The following SMC3 variants were observed in gnomAD, a reference collection of about 807,000 sequenced individuals.
SMC3 encodes the protein structural maintenance of chromosomes 3.
A neutral mutation model predicts 171.8 loss-of-function variants in SMC3; 20 were observed. The observed-to-expected ratio is 0.12, with a 90% CI of 0.08 to 0.17. The LOEUF is 0.17. SMC3 is among the 10% of genes least tolerant of loss of function. The probability of loss-of-function intolerance (pLI) is 1.00; values close to 1 mark genes in which losing one functional copy is unlikely to be tolerated. For missense variants in SMC3, 543 were observed against 1,420.4 expected (o/e 0.38, Z 9.93); for synonymous variants, 464 against 451.1 (o/e 1.03, Z -0.36).
In SMC3 at chr10:110,577,938, A is replaced by G. The variant is rs1349836819; in HGVS notation, c.350+24A>G. ...ACGTAAGCATTTTTCTTTTTTTTAA[A>G]AAAACTGAATATGTACTTAAATAGA... On this transcript the variant is annotated intron_variant, in intron 6 of 28. Transcript: ENST00000361804. 4 of 1,500,996 alleles carry G rather than the reference A, an allele frequency of 2.7e-6. No homozygotes were observed. In the African/African-American group the frequency reaches 5.5e-5, roughly 21 times the overall value. The allele number at this position is 1,500,996 out of a possible 1,614,324, so 93.0% of individuals were successfully genotyped here.
At chr10:110,569,620 TAAC>T (rs1414185054) in intron 2 of SMC3, among the ~76,000 whole-genome samples, 1 of 152,174 alleles carries the variant, frequency 6.6e-6, no homozygotes, top group South Asian at 2.1e-4. Flanking sequence ...TATCCTAGTA[TAAC>T]AACAACGAAA....
At chr10:110,570,338 T>G (rs1266373500) in intron 2 of SMC3, among the ~76,000 whole-genome samples, 1 of 152,228 alleles carries the variant, frequency 6.6e-6, no homozygotes, top group Admixed American at 6.5e-5. Context: ...AGAATCATAC[T>G]TCATTTTGTA....
rs752278292 is a variant in SMC3 at position 110,601,920 on chromosome 10, T to C, written c.2892+36T>C. On this transcript the variant is annotated intron_variant, in intron 24 of 28. Coordinates refer to ENST00000361804, the MANE Select transcript of SMC3 (RefSeq NM_005445.4). ...AATTTGAAGTCTTGTTACAAATTGC[T>C]CAGTATATAAATTTATTTATATGAA... is the stretch of plus-strand genomic sequence containing the variant. 3 of 1,612,056 alleles carry C rather than the reference T, an allele frequency of 1.9e-6. No individual in the cohort carries two copies. In the African/African-American group the frequency reaches 4.0e-5, roughly 22 times the overall value.
chr10:110,597,114 A>G (rs1308709112), intron 19 of SMC3, among the ~76,000 whole-genome samples: 1 of 148,466 alleles, frequency 6.7e-6, no homozygotes, highest in African/African-American at 2.5e-5. Context: ...ACTGCACTCC[A>G]GCCTGGGTGA....
intron 18 of SMC3, among the ~76,000 whole-genome samples, chr10:110,594,038 T>C (rs1861253528): frequency 6.6e-6 from 1 of 152,128 alleles, no homozygotes; most frequent in African/African-American, 2.4e-5. Flanking sequence ...TTTAAATAGT[T>C]GGTTTGTTCA....
At chr10:110,568,053 G>A (rs374358650) in intron 1 of SMC3, among the ~76,000 whole-genome samples, 3 of 152,338 alleles carry the variant, frequency 2.0e-5, no homozygotes, top group East Asian at 1.9e-4. Flanking sequence ...CCTCCCTGCT[G>A]GCGCTTGTCT....
At position 110,583,789 on chromosome 10, in the gene SMC3, C is replaced by A. The variant is rs757887817; in HGVS notation, c.970-52C>A. The A allele has an allele frequency of 1.9e-6, 3 of 1,592,804 alleles. No homozygotes were observed. In the East Asian group the frequency reaches 6.7e-5, roughly 36 times the overall value. ...TTCCTGAGAAAACATTTATGCTAGA[C>A]CTAAATTATGCAAAAAATTTAAAGC... On this transcript the variant is annotated intron_variant, in intron 11 of 28. Transcript: ENST00000361804.
chr10:110,567,962 G>C, intron 1 of SMC3, 131 bp downstream of exon 1: 2 of 1,140,984 alleles, frequency 1.8e-6, no homozygotes, highest in Non-Finnish European at 2.6e-6. Context: ...CGGGGACTGT[G>C]GGGGAGGAGG....
chr10:110,587,358 G>C (rs1861136898), intron 13 of SMC3, among the ~76,000 whole-genome samples: 1 of 152,072 alleles, frequency 6.6e-6, no homozygotes, highest in Non-Finnish European at 1.5e-5. Flanking sequence ...AGATACACCT[G>C]GAAAAAAACA....
At chr10:110,591,822 C>A (rs1420715752) in intron 17 of SMC3, among the ~76,000 whole-genome samples, 1 of 152,130 alleles carries the variant, frequency 6.6e-6, no homozygotes, top group Non-Finnish European at 1.5e-5. Flanking sequence ...TGTAAGCTAT[C>A]AAAGGGTCTG....
intron 25 of SMC3, 120 bp downstream of exon 25, chr10:110,602,298 C>G: frequency 1.0e-6 from 1 of 1,003,190 alleles, no homozygotes; most frequent in Non-Finnish European, 1.5e-6. Flanking sequence ...TACATGTGAA[C>G]AAACCTAGCA....
intron 2 of SMC3, 76 bp downstream of exon 2, chr10:110,569,089 C>T: frequency 1.1e-6 from 1 of 917,560 alleles, no homozygotes; most frequent in South Asian, 1.3e-5. Flanking sequence ...TCTATATTGG[C>T]TTAAGGAGAC....
chr10:110,583,731 C>G, intron 11 of SMC3, 110 bp from the exon 12 acceptor site: 1 of 1,288,854 alleles, frequency 7.8e-7, no homozygotes, highest in East Asian at 2.3e-5. Context: ...AAAAGAGTTT[C>G]ATGTTACAGG....
At chr10:110,589,749 G>A (rs1306431271) in intron 14 of SMC3, 41 bp downstream of exon 14, 2 of 1,429,694 alleles carry the variant, frequency 1.4e-6, no homozygotes, top group African/African-American at 2.8e-5. Flanking sequence ...TTTCAGTAAT[G>A]TTCGTTACTA....
intron 13 of SMC3, among the ~76,000 whole-genome samples, chr10:110,588,247 C>T (rs1471740460): frequency 6.6e-6 from 1 of 152,190 alleles, no homozygotes; most frequent in Non-Finnish European, 1.5e-5. Context: ...ACCTCGGCCT[C>T]CCAAAGTGCT....
intron 6 of SMC3, among the ~76,000 whole-genome samples, chr10:110,578,292 C>T (rs1183584115): frequency 6.6e-6 from 1 of 152,090 alleles, no homozygotes; most frequent in Non-Finnish European, 1.5e-5. Flanking sequence ...AGGCTGGTCT[C>T]GAACTCTTGA....
intron 6 of SMC3, among the ~76,000 whole-genome samples, chr10:110,578,242 T>G (rs1860982143): frequency 6.6e-6 from 1 of 151,984 alleles, no homozygotes; most frequent in Non-Finnish European, 1.5e-5. Flanking sequence ...CCCGGCTACT[T>G]TTTGTATTCT....
chr10:110,567,779 C>T lies in SMC3; in HGVS notation c.-38C>T. On this transcript the variant is annotated 5_prime_UTR_variant, in exon 1 of 29. Transcript: ENST00000361804. ...ACCCTGCGGCCGTGCGGTTGCTGCTCCGGGGCAGGTCTCCTTCCAGGCCAG... is the reference window on the plus strand; with the variant it reads ...ACCCTGCGGCCGTGCGGTTGCTGCTTCGGGGCAGGTCTCCTTCCAGGCCAG... The T allele has an allele frequency of 3.7e-6, 6 of 1,613,218 alleles. No homozygotes were observed. The highest frequency in any genetic ancestry group is 4.2e-6 in the Non-Finnish European group (5 of 1,179,694).
chr10:110,569,136 C>T (rs922936674), intron 2 of SMC3, 123 bp downstream of exon 2: 30 of 713,106 alleles, frequency 4.2e-5, no homozygotes, highest in Admixed American at 2.3e-5. Flanking sequence ...TATTTTTCTG[C>T]GTGAAATAAC....
Sources: allele counts gnomAD v4.1 joint callset (sites outside exome capture counted in the v4.1 genomes callset), GRCh38; gene constraint gnomAD v4.1.1; transcripts MANE v1.5; gene names NCBI Gene and HGNC (gene_info 2026-07-23, HGNC 2026-07-21).